DOCK3: variants seen among roughly 807,000 people sequenced by gnomAD.
The protein encoded by DOCK3 is dedicator of cytokinesis protein 3.
A neutral mutation model predicts 265.6 loss-of-function variants in DOCK3; 60 were observed. That is an observed-to-expected ratio of 0.23 (90% confidence interval 0.18 to 0.28). The LOEUF is 0.28. Ranked by LOEUF, DOCK3 falls within the 10% of genes least tolerant of loss-of-function variation. DOCK3 has a pLI of 1.00. For synonymous variants in DOCK3, 881 were observed against 938.0 expected (o/e 0.94, Z 1.11); for missense variants, 1,981 against 2,594.3 (o/e 0.76, Z 5.14).
chr3:51,047,054 A>C (rs1297360975), intron 5 of DOCK3, among the ~76,000 whole-genome samples: 1 of 152,202 alleles, frequency 6.6e-6, no homozygotes, highest in East Asian at 1.9e-4. Context: ...CAAAGAGATA[A>C]ATTTATAGTG....
At chr3:51,150,747 T>G (rs1027298352) in intron 10 of DOCK3, among the ~76,000 whole-genome samples, 29 of 152,212 alleles carry the variant, frequency 1.9e-4, no homozygotes, top group African/African-American at 6.8e-4. Flanking sequence ...GAGGAGTGCT[T>G]TACTTCCAAC....
chr3:51,163,211 A>G (rs538315971), intron 12 of DOCK3, among the ~76,000 whole-genome samples: 4 of 152,278 alleles, frequency 2.6e-5, no homozygotes, highest in East Asian at 1.9e-4. Flanking sequence ...AACCTCTTAC[A>G]CAGTTTTAAT....
At chr3:50,913,114 C>T (rs1243635541) in intron 4 of DOCK3, among the ~76,000 whole-genome samples, 1 of 152,088 alleles carries the variant, frequency 6.6e-6, no homozygotes, top group African/African-American at 2.4e-5. Flanking sequence ...GACATAGTAC[C>T]TGGGTATCAC....
intron 5 of DOCK3, among the ~76,000 whole-genome samples, chr3:50,977,453 A>T (rs975063711): frequency 1.3e-5 from 2 of 152,080 alleles, no homozygotes; most frequent in Non-Finnish European, 2.9e-5. Context: ...CTTTTCTTTA[A>T]GAATGTTGAA....
At chr3:50,973,207 A>G (rs916624009) in intron 5 of DOCK3, among the ~76,000 whole-genome samples, 1 of 145,564 alleles carries the variant, frequency 6.9e-6, no homozygotes, top group Non-Finnish European at 1.5e-5. Flanking sequence ...TTGCATATGT[A>G]TACATGTGCC....
chr3:51,233,033 G>A (rs992957116), intron 19 of DOCK3, among the ~76,000 whole-genome samples: 7 of 152,152 alleles, frequency 4.6e-5, no homozygotes, highest in Admixed American at 1.3e-4. Context: ...TAGCCTTGTA[G>A]TATAGTTTGA....
chr3:50,882,834 A>G (rs1402384133), intron 3 of DOCK3, among the ~76,000 whole-genome samples: 4 of 152,234 alleles, frequency 2.6e-5, no homozygotes, highest in African/African-American at 9.6e-5. Flanking sequence ...TTATTGCAGC[A>G]CTATTCACAA....
intron 32 of DOCK3, among the ~76,000 whole-genome samples, chr3:51,326,154 G>T (rs1353682115): frequency 2.0e-5 from 3 of 151,974 alleles, no homozygotes; most frequent in Admixed American, 6.5e-5. Flanking sequence ...ACCTCTTCAT[G>T]TGAATTAATG....
intron 5 of DOCK3, among the ~76,000 whole-genome samples, chr3:51,034,181 A>C (rs1303241090): frequency 2.6e-5 from 4 of 152,126 alleles, no homozygotes; most frequent in African/African-American, 4.8e-5. Flanking sequence ...TCGTATTGAA[A>C]GTACATCTCT....
chr3:51,113,640 C>CA (rs1207743454), intron 9 of DOCK3, among the ~76,000 whole-genome samples: 1 of 152,140 alleles, frequency 6.6e-6, no homozygotes, highest in Non-Finnish European at 1.5e-5. Flanking sequence ...TCACTGGACT[C>CA]ACATAGATGT....
chr3:51,218,762 G>T (rs1461761950), intron 14 of DOCK3, among the ~76,000 whole-genome samples: 1 of 152,166 alleles, frequency 6.6e-6, no homozygotes, highest in East Asian at 1.9e-4. Context: ...TCTAATAGAT[G>T]ACTAAGTTTT....
chr3:50,923,045 C>T (rs1042551084), intron 4 of DOCK3, among the ~76,000 whole-genome samples: 7 of 152,192 alleles, frequency 4.6e-5, no homozygotes, highest in African/African-American at 1.7e-4. Flanking sequence ...AGTTACTTCA[C>T]TTAGAATAAT....
At chr3:51,146,665 GA>G in intron 10 of DOCK3, 35 bp downstream of exon 10, 2 of 1,550,792 alleles carry the variant, frequency 1.3e-6, no homozygotes, top group East Asian at 4.8e-5. Context: ...CTTTGCTGTT[GA>G]CTCTAACCAG....
intron 1 of DOCK3, among the ~76,000 whole-genome samples, chr3:50,716,505 G>A (rs2037122025): frequency 6.6e-6 from 1 of 151,776 alleles, no homozygotes; most frequent in Admixed American, 6.6e-5. Context: ...TCCAGCCTGG[G>A]CGACAGAGCG....
chr3:51,233,962 A>C (rs923835814), intron 19 of DOCK3, among the ~76,000 whole-genome samples: 5 of 152,198 alleles, frequency 3.3e-5, no homozygotes, highest in Non-Finnish European at 5.9e-5. Flanking sequence ...GAAGATGTCC[A>C]AGACATCTTC....
At chr3:51,131,275 C>A (rs1467743597) in intron 9 of DOCK3, among the ~76,000 whole-genome samples, 1 of 152,140 alleles carries the variant, frequency 6.6e-6, no homozygotes, top group Non-Finnish European at 1.5e-5. Context: ...AACTGGAGGG[C>A]CACAATGACA....
At chr3:50,897,615 G>A (rs2048965342) in intron 4 of DOCK3, among the ~76,000 whole-genome samples, 1 of 152,052 alleles carries the variant, frequency 6.6e-6, no homozygotes, top group South Asian at 2.1e-4. Context: ...ATTGGCTGTG[G>A]GTTCATAAAT....
At chr3:50,710,767 T>C (rs748464027) in intron 1 of DOCK3, among the ~76,000 whole-genome samples, 1 of 152,196 alleles carries the variant, frequency 6.6e-6, no homozygotes, top group African/African-American at 2.4e-5. Context: ...AAATGCCCAT[T>C]AACCAATGAG....
chr3:51,258,236 G>T (rs969251584), intron 22 of DOCK3, among the ~76,000 whole-genome samples: 5 of 152,204 alleles, frequency 3.3e-5, no homozygotes, highest in African/African-American at 4.8e-5. Context: ...AAAATTAGAG[G>T]AGTAGTATGG....
Sources: allele counts gnomAD v4.1 joint callset (sites outside exome capture counted in the v4.1 genomes callset), GRCh38; gene constraint gnomAD v4.1.1; transcripts MANE v1.5; gene names NCBI Gene and HGNC (gene_info 2026-07-23, HGNC 2026-07-21).